The following FAT3 variants were observed in gnomAD, a reference collection of about 807,000 sequenced individuals.
The protein encoded by FAT3 is FAT atypical cadherin 3, also known as protocadherin Fat 3.
A neutral mutation model predicts 310.2 loss-of-function variants in FAT3; 95 were observed. That is an observed-to-expected ratio of 0.31 (90% CI 0.26 to 0.36). The LOEUF is 0.36. Ranked by LOEUF, FAT3 falls within the 10% of genes least tolerant of loss-of-function variation. The pLI is 1.00. For missense variants in FAT3, 5,408 were observed against 5,715.6 expected, an observed-to-expected ratio of 0.95 and a Z score of 1.74; for synonymous variants, 2,314 against 2,192.9, an observed-to-expected ratio of 1.06 and a Z score of -1.54.
At chr11:92,791,741 T>C (rs1230322705) in intron 8 of FAT3, among the ~76,000 whole-genome samples, 2 of 152,170 alleles carry the variant, frequency 1.3e-5, no homozygotes, top group African/African-American at 4.8e-5. Flanking sequence ...GAGTTTAAAA[T>C]TGAAAAAGCC....
chr11:92,758,038 C>T (rs1427687841), intron 4 of FAT3, among the ~76,000 whole-genome samples: 1 of 152,120 alleles, frequency 6.6e-6, no homozygotes, highest in East Asian at 1.9e-4. Flanking sequence ...ACTAGAAGCA[C>T]TTGGGAGATT....
intron 22 of FAT3, among the ~76,000 whole-genome samples, chr11:92,868,606 C>T (rs751053683): frequency 1.3e-5 from 2 of 152,160 alleles, no homozygotes; most frequent in African/African-American, 2.4e-5. Flanking sequence ...TGAAATAGAA[C>T]ACCACTCCAT....
At chr11:92,621,324 G>A (rs1417181269) in intron 3 of FAT3, among the ~76,000 whole-genome samples, 1 of 152,220 alleles carries the variant, frequency 6.6e-6, no homozygotes, top group Middle Eastern at 3.4e-3. Flanking sequence ...TTATGCAGAA[G>A]GTGGGGAGAA....
At chr11:92,515,046 T>G (rs535544774) in intron 2 of FAT3, among the ~76,000 whole-genome samples, 1 of 152,098 alleles carries the variant, frequency 6.6e-6, no homozygotes, top group African/African-American at 2.4e-5. Context: ...TTGAGGTCTC[T>G]TCCAGGTCTG....
At chr11:92,723,825 A>G (rs893323587) in intron 4 of FAT3, among the ~76,000 whole-genome samples, 2 of 152,158 alleles carry the variant, frequency 1.3e-5, no homozygotes, top group African/African-American at 4.8e-5. Context: ...AGCACGGGAA[A>G]GACCAGCCCA....
chr11:92,614,822 T>C (rs564582080), intron 3 of FAT3, among the ~76,000 whole-genome samples: 4 of 152,356 alleles, frequency 2.6e-5, no homozygotes, highest in South Asian at 4.1e-4. Context: ...TTATATTTTC[T>C]TCTAAAAGTT....
chr11:92,304,561 G>A (rs749286408), intron 1 of FAT3, among the ~76,000 whole-genome samples: 15 of 152,014 alleles, frequency 9.9e-5, no homozygotes, highest in Non-Finnish European at 1.8e-4. Flanking sequence ...CGGTCTAATA[G>A]CTTATACTCA....
At chr11:92,320,882 G>GT (rs1565224509) in intron 1 of FAT3, among the ~76,000 whole-genome samples, 25 of 116,974 alleles carry the variant, frequency 2.1e-4, no homozygotes, top group African/African-American at 7.2e-4. Flanking sequence ...AAAAAAAAAG[G>GT]GGGGGGTACT....
intron 3 of FAT3, among the ~76,000 whole-genome samples, chr11:92,526,666 T>C (rs769401762): frequency 1.3e-5 from 2 of 152,082 alleles, no homozygotes; most frequent in African/African-American, 2.4e-5. Context: ...TAAAGCTTTC[T>C]TTTATATGGC....
intron 2 of FAT3, among the ~76,000 whole-genome samples, chr11:92,387,871 A>G (rs1333949699): frequency 1.3e-5 from 2 of 152,172 alleles, no homozygotes; most frequent in African/African-American, 4.8e-5. Flanking sequence ...ACTTGGGTCA[A>G]TAGATAGCTC....
At position 92,800,275 on chromosome 11, in the gene FAT3, C is replaced by T; in HGVS notation, c.7262C>T (p.Ala2421Val). The T allele has an allele frequency of 6.2e-7, 1 of 1,613,918 alleles. No individual in the cohort carries two copies. The highest frequency in any genetic ancestry group is 1.3e-5 in the African/African-American group (1 of 75,056). ...GTAACCTGTGTACAAGCCTCTGATGCAGACAGCTCTGATTTTGACCGGTTG... is the reference window on the plus strand; with the variant it reads ...GTAACCTGTGTACAAGCCTCTGATGTAGACAGCTCTGATTTTGACCGGTTG... ...HFVTCVQASDADSSDFDRLEY... is the reference protein window; with the variant it reads ...HFVTCVQASDVDSSDFDRLEY... Residue 2421 changes from alanine (A) to valine (V), a missense_variant, in exon 10 of 28, where the codon GCA (alanine) becomes GTA (valine). Physicochemically the swap from Ala to Val is moderately conservative, Grantham distance 64 (BLOSUM62 0). Around this residue, in one of 5 missense-constraint regions of FAT3, gnomAD observed 4,588 missense variants for 4,809.8 expected, o/e 0.95. Coordinates refer to ENST00000525166, the MANE Select transcript of FAT3 (RefSeq NM_001367949.2).
At chr11:92,793,468 G>T (rs981749209) in intron 9 of FAT3, among the ~76,000 whole-genome samples, 1 of 152,098 alleles carries the variant, frequency 6.6e-6, no homozygotes, top group East Asian at 1.9e-4. Context: ...CTGAGTAGCA[G>T]AGTAGATGGT....
intron 2 of FAT3, among the ~76,000 whole-genome samples, chr11:92,505,534 G>A (rs1019937319): frequency 8.5e-5 from 13 of 152,140 alleles, no homozygotes; most frequent in Non-Finnish European, 1.2e-4. Context: ...TACATCTGCC[G>A]CAGCTTTCTG....
intron 10 of FAT3, among the ~76,000 whole-genome samples, chr11:92,802,867 G>T (rs1947399315): frequency 6.6e-6 from 1 of 152,096 alleles, no homozygotes; most frequent in Admixed American, 6.5e-5. Context: ...ATGTTAGTAG[G>T]AAAGTTAATT....
At chr11:92,361,858 A>G (rs965103388) in intron 2 of FAT3, among the ~76,000 whole-genome samples, 2 of 152,242 alleles carry the variant, frequency 1.3e-5, no homozygotes, top group Non-Finnish European at 2.9e-5. Context: ...GGCACTAGTG[A>G]CACAAACAGG....
intron 3 of FAT3, among the ~76,000 whole-genome samples, chr11:92,682,400 G>A (rs1384135301): frequency 6.6e-6 from 1 of 152,156 alleles, no homozygotes; most frequent in Non-Finnish European, 1.5e-5. Context: ...AAGCAGTTCT[G>A]AGTGTTTTTG....
At chr11:92,277,870 TA>T (rs144314777) in intron 1 of FAT3, among the ~76,000 whole-genome samples, 215 of 145,826 alleles carry the variant, frequency 1.5e-3, no homozygotes, top group African/African-American at 3.7e-3. Context: ...TTTTTTTTTT[TA>T]AAAAAAAAAG....
chr11:92,467,459 A>G (rs11019969), intron 2 of FAT3, among the ~76,000 whole-genome samples: 13,259 of 152,108 alleles, frequency 0.087, 843 homozygotes, highest in African/African-American at 0.18. Flanking sequence ...TTTTTTTGTT[A>G]GCCCTTCTTC....
chr11:92,547,171 A>C (rs2135426594), intron 3 of FAT3, among the ~76,000 whole-genome samples: 1 of 152,276 alleles, frequency 6.6e-6, no homozygotes, highest in South Asian at 2.1e-4. Flanking sequence ...GTAAACCAAT[A>C]AAGGTGGCCA....
Sources: gnomAD v4.1 joint callset for allele counts (sites outside exome capture counted in the v4.1 genomes callset) on GRCh38, gnomAD v4.1.1 for gene constraint, gnomAD v4.1.1 regional missense constraint, MANE v1.5 for transcripts, NCBI Gene and HGNC (gene_info 2026-07-23, HGNC 2026-07-21) for gene names.